TRIM71: variants seen among roughly 807,000 people sequenced by gnomAD.
The protein encoded by TRIM71 is E3 ubiquitin-protein ligase TRIM71.
A neutral mutation model predicts 61.2 loss-of-function variants in TRIM71; 9 were observed. The ratio of observed to expected loss-of-function variants is 0.15; its 90% CI spans 0.09 to 0.26. TRIM71 has a LOEUF of 0.26. Among genes scored for constraint, TRIM71 ranks in the 10% least tolerant of loss-of-function variants. TRIM71 has a pLI of 1.00. For missense variants in TRIM71, 998 were observed against 1,238.7 expected, an observed-to-expected ratio of 0.81 and a Z score of 2.92; for synonymous variants, 645 against 553.2, an observed-to-expected ratio of 1.17 and a Z score of -2.33.
At chr3:32,820,840 A>T (rs1696118930) in intron 1 of TRIM71, among the ~76,000 whole-genome samples, 1 of 152,248 alleles carries the variant, frequency 6.6e-6, no homozygotes, top group East Asian at 1.9e-4. Context: ...TTCACTTTTT[A>T]GCATGTGCAA....
chr3:32,872,996 G>A (rs575822197), intron 1 of TRIM71, among the ~76,000 whole-genome samples: 1 of 151,930 alleles, frequency 6.6e-6, no homozygotes, highest in African/African-American at 2.4e-5. Flanking sequence ...TCTATGCCAA[G>A]GAGTTTTCTC....
intron 2 of TRIM71, 139 bp from the exon 3 acceptor site, chr3:32,885,795 T>C: frequency 8.4e-7 from 1 of 1,195,610 alleles, no homozygotes; most frequent in Non-Finnish European, 1.1e-6. Context: ...GTGCCTGTTT[T>C]CCTTCCAAGG....
chr3:32,876,667 A>C (rs183031152), intron 2 of TRIM71, among the ~76,000 whole-genome samples: 1 of 152,046 alleles, frequency 6.6e-6, no homozygotes, highest in Non-Finnish European at 1.5e-5. Flanking sequence ...TTAACCTCTT[A>C]CTCTCTTAAG....
intron 3 of TRIM71, among the ~76,000 whole-genome samples, chr3:32,888,872 T>C (rs1696991793): frequency 6.6e-6 from 1 of 152,150 alleles, no homozygotes; most frequent in South Asian, 2.1e-4. Context: ...ACTCCCCTAC[T>C]GAAAGCTGTG....
intron 2 of TRIM71, among the ~76,000 whole-genome samples, chr3:32,882,473 C>CT (rs1696920023): frequency 2.6e-5 from 4 of 152,110 alleles, no homozygotes; most frequent in Admixed American, 2.6e-4. Context: ...GGCTGTGACT[C>CT]TTCAAACTAC....
Position 32,890,726 on chromosome 3 carries a change from A to C in TRIM71, c.1522A>C (p.Ile508Leu). ...GGGTAAGGTGGCCTCCTTCACAGTC[A>C]TTGGTTATGACCACGATGGTGAGCC... ...LQGKVASFTV[I>L]GYDHDGEPRL... Residue 508 changes from isoleucine to leucine, a missense_variant, in exon 4 of 4, where the codon ATT (isoleucine) becomes CTT (leucine). This residue lies in a region of TRIM71 where 291 missense variants were observed against 431.2 expected (regional missense o/e 0.67). Transcript: ENST00000383763. This position sits in a 1 kb window ranked among gnomAD's most constrained non-coding sequence, Gnocchi z 6.2. 1 of 1,614,044 alleles carries C rather than the reference A, an allele frequency of 6.2e-7. No individual in the cohort carries two copies. Among genetic ancestry groups the C allele is most frequent in the Non-Finnish European group, 8.5e-7 (1 of 1,180,000 alleles).
chr3:32,865,400 C>T (rs1696721491), intron 1 of TRIM71, among the ~76,000 whole-genome samples: 1 of 152,076 alleles, frequency 6.6e-6, no homozygotes, highest in Non-Finnish European at 1.5e-5. Context: ...GGGTCAGAAT[C>T]ACGGAAAACT....
At chr3:32,865,941 C>G (rs1310037900) in intron 1 of TRIM71, among the ~76,000 whole-genome samples, 1 of 150,574 alleles carries the variant, frequency 6.6e-6, no homozygotes, top group Admixed American at 6.7e-5. Context: ...ATTCTCCTGC[C>G]TCAGCCTCCT....
intron 1 of TRIM71, among the ~76,000 whole-genome samples, chr3:32,868,986 A>G (rs1362560769): frequency 1.3e-5 from 2 of 152,220 alleles, no homozygotes; most frequent in Non-Finnish European, 2.9e-5. Flanking sequence ...ACAAGCACTC[A>G]GTCTATCTCA....
intron 2 of TRIM71, among the ~76,000 whole-genome samples, chr3:32,882,245 CATTAAT>C (rs2125691149): frequency 6.6e-6 from 1 of 151,550 alleles, no homozygotes; most frequent in East Asian, 2.0e-4. Flanking sequence ...AGTAGTATGA[CATTAAT>C]ATTAATAGAA....
At chr3:32,824,310 G>A (rs944361096) in intron 1 of TRIM71, among the ~76,000 whole-genome samples, 4 of 151,058 alleles carry the variant, frequency 2.6e-5, no homozygotes, top group African/African-American at 7.3e-5. Flanking sequence ...CCCAAGTAAC[G>A]GGGATTACAG....
At chr3:32,855,646 C>G (rs1696592219) in intron 1 of TRIM71, among the ~76,000 whole-genome samples, 1 of 152,126 alleles carries the variant, frequency 6.6e-6, no homozygotes, top group Non-Finnish European at 1.5e-5. Context: ...GGACATGTCC[C>G]AGAATGAAGG....
chr3:32,881,687 T>A (rs1230463092), intron 2 of TRIM71, among the ~76,000 whole-genome samples: 2 of 152,206 alleles, frequency 1.3e-5, no homozygotes, highest in Non-Finnish European at 2.9e-5. Flanking sequence ...TACTGTGAAA[T>A]GTATATATCT....
rs566780106 is a variant in TRIM71 at position 32,895,678 on chromosome 3, T to G, written c.*3867T>G. 1 of 152,312 alleles carries G rather than the reference T, an allele frequency of 6.6e-6. No individual in the cohort carries two copies. Among genetic ancestry groups the G allele is most frequent in the South Asian group, 2.1e-4 (1 of 4,826 alleles). The allele number at this position is 152,312 out of a possible 1,614,324, so 9.4% of individuals were successfully genotyped here. A position where few individuals can be genotyped will look rare whatever the true frequency, so the allele number is the denominator to read the frequency against. On this transcript the variant is annotated 3_prime_UTR_variant, in exon 4 of 4. Transcript: ENST00000383763. The stretch of plus-strand genomic sequence containing the variant: ...GAGTTTCCAACAGTCTGGGGCTGTA[T>G]AAAAGTCACACTCTTGTACTTGCAG...
At chr3:32,853,769 G>C (rs2125682764) in intron 1 of TRIM71, among the ~76,000 whole-genome samples, 1 of 152,292 alleles carries the variant, frequency 6.6e-6, no homozygotes, top group East Asian at 1.9e-4. Context: ...CACTTTGGGA[G>C]GCCAAGGCAG....
At chr3:32,871,896 C>A (rs1696799308) in intron 1 of TRIM71, among the ~76,000 whole-genome samples, 1 of 152,330 alleles carries the variant, frequency 6.6e-6, no homozygotes, top group South Asian at 2.1e-4. Flanking sequence ...GTAATCCCAG[C>A]ACTTTGGGAG....
intron 1 of TRIM71, among the ~76,000 whole-genome samples, chr3:32,831,536 C>CTTTTTTTT (rs71068093): frequency 3.1e-5 from 3 of 96,700 alleles, no homozygotes; most frequent in African/African-American, 7.5e-5. Flanking sequence ...GCTTATCTTC[C>CTTTTTTTT]TTTTTTTTTT....
At chr3:32,860,155 C>CCCTCT (rs1696651061) in intron 1 of TRIM71, among the ~76,000 whole-genome samples, 1 of 146,978 alleles carries the variant, frequency 6.8e-6, no homozygotes, top group African/African-American at 2.5e-5. Flanking sequence ...CTCTCCCCTC[C>CCCTCT]CCTCTCCTCC....
intron 1 of TRIM71, among the ~76,000 whole-genome samples, chr3:32,836,786 T>C (rs1161223823): frequency 6.6e-6 from 1 of 152,212 alleles, no homozygotes; most frequent in Non-Finnish European, 1.5e-5. Context: ...GCCAGCTGGC[T>C]TGCAATCAGT....
Sources: gnomAD v4.1 joint callset for allele counts (sites outside exome capture counted in the v4.1 genomes callset) on GRCh38, gnomAD v4.1.1 for gene constraint, gnomAD v4.1.1 regional missense constraint, Gnocchi (gnomAD v3.1) non-coding constraint, MANE v1.5 for transcripts, NCBI Gene and HGNC (gene_info 2026-07-23, HGNC 2026-07-21) for gene names.